The following MIPOL1 variants were observed in gnomAD, a reference collection of about 807,000 sequenced individuals.
The protein encoded by MIPOL1 is mirror-image polydactyly gene 1 protein.
A neutral mutation model predicts 60.9 loss-of-function variants in MIPOL1; 57 were observed. That is an observed-to-expected ratio of 0.94 (90% confidence interval 0.76 to 1.17). The LOEUF is 1.17. Ranked by LOEUF, MIPOL1 falls within the 50% of genes most tolerant of loss-of-function variation. MIPOL1 has a pLI of 0.00. For synonymous variants in MIPOL1, 179 were observed against 168.8 expected (o/e 1.06, Z -0.47); for missense variants, 551 against 511.6 (o/e 1.08, Z -0.74).
intron 9 of MIPOL1, 69 bp from the exon 10 acceptor site, chr14:37,369,448 A>G: frequency 1.9e-6 from 2 of 1,071,076 alleles, no homozygotes; most frequent in Non-Finnish European, 2.8e-6. Context: ...TATTTACATT[A>G]ATTCATGTGG....
At chr14:37,513,297 G>A (rs1309759472) in intron 12 of MIPOL1, among the ~76,000 whole-genome samples, 1 of 152,036 alleles carries the variant, frequency 6.6e-6, no homozygotes, top group Non-Finnish European at 1.5e-5. Flanking sequence ...TGCATTATAT[G>A]CTTGTAGAGT....
At chr14:37,362,465 G>A (rs891273336) in intron 9 of MIPOL1, among the ~76,000 whole-genome samples, 1 of 152,156 alleles carries the variant, frequency 6.6e-6, no homozygotes, top group Non-Finnish European at 1.5e-5. Flanking sequence ...TAGGGTTTCT[G>A]CCGATAGATG....
intron 12 of MIPOL1, among the ~76,000 whole-genome samples, chr14:37,518,915 A>C (rs1021432538): frequency 1.5e-5 from 1 of 68,880 alleles, no homozygotes; most frequent in Admixed American, 1.6e-4. Context: ...TGTCTTGTGA[A>C]TCAAAAAATA....
intron 11 of MIPOL1, among the ~76,000 whole-genome samples, chr14:37,484,863 A>G (rs2153601160): frequency 6.6e-6 from 1 of 151,992 alleles, no homozygotes; most frequent in Non-Finnish European, 1.5e-5. Flanking sequence ...CTATTATTGT[A>G]CTTTAAGTTC....
At chr14:37,515,618 T>C (rs183405073) in intron 12 of MIPOL1, among the ~76,000 whole-genome samples, 16 of 152,338 alleles carry the variant, frequency 1.1e-4, no homozygotes, top group Admixed American at 5.2e-4. Flanking sequence ...AAAACATTTT[T>C]AGTATCTTGA....
intron 10 of MIPOL1, among the ~76,000 whole-genome samples, chr14:37,380,383 TGCTCTAACA>T (rs2092894124): frequency 6.6e-6 from 1 of 152,110 alleles, no homozygotes; most frequent in African/African-American, 2.4e-5. Context: ...AATGTGGAAT[TGCTCTAACA>T]GCATTCATTG....
chr14:37,202,670 G>A (rs964784506), intron 1 of MIPOL1, among the ~76,000 whole-genome samples: 1 of 152,108 alleles, frequency 6.6e-6, no homozygotes, highest in Non-Finnish European at 1.5e-5. Context: ...TCATCCTTAG[G>A]TGATGCTTTC....
intron 11 of MIPOL1, among the ~76,000 whole-genome samples, chr14:37,446,433 G>A (rs2094336193): frequency 6.6e-6 from 1 of 152,166 alleles, no homozygotes; most frequent in African/African-American, 2.4e-5. Context: ...AACAGGTGCT[G>A]GAGAGGATGT....
chr14:37,207,470 C>G (rs183938501), intron 1 of MIPOL1, among the ~76,000 whole-genome samples: 2 of 152,106 alleles, frequency 1.3e-5, no homozygotes, highest in Admixed American at 6.6e-5. Flanking sequence ...GACAACTACA[C>G]TATTCATTAA....
intron 11 of MIPOL1, among the ~76,000 whole-genome samples, chr14:37,483,745 C>T (rs1343783323): frequency 1.3e-5 from 2 of 152,088 alleles, no homozygotes; most frequent in Non-Finnish European, 2.9e-5. Context: ...AAGCAATCCT[C>T]CTGCCTCAGC....
intron 11 of MIPOL1, among the ~76,000 whole-genome samples, chr14:37,470,943 T>C (rs2094680225): frequency 6.6e-6 from 1 of 152,114 alleles, no homozygotes; most frequent in Non-Finnish European, 1.5e-5. Flanking sequence ...AACTCCAAAA[T>C]GAGGGATGTT....
intron 1 of MIPOL1, among the ~76,000 whole-genome samples, chr14:37,211,406 G>A (rs1177788176): frequency 6.6e-6 from 1 of 152,126 alleles, no homozygotes; most frequent in South Asian, 2.1e-4. Context: ...TCTGGGAACT[G>A]GGGGAGAGAA....
At chr14:37,465,772 T>TTA (rs1456869622) in intron 11 of MIPOL1, among the ~76,000 whole-genome samples, 1 of 152,136 alleles carries the variant, frequency 6.6e-6, no homozygotes, top group Admixed American at 6.6e-5. Flanking sequence ...TGAAATACAT[T>TTA]TAAACTATTT....
At chr14:37,322,455 C>T (rs2088678807) in intron 9 of MIPOL1, among the ~76,000 whole-genome samples, 1 of 151,862 alleles carries the variant, frequency 6.6e-6, no homozygotes, top group Admixed American at 6.6e-5. Flanking sequence ...TCTAAGATGA[C>T]CACATTTATT....
intron 9 of MIPOL1, among the ~76,000 whole-genome samples, chr14:37,344,723 T>C (rs1567560999): frequency 6.6e-6 from 1 of 152,184 alleles, no homozygotes; most frequent in Non-Finnish European, 1.5e-5. Context: ...GATTAACCAT[T>C]GGTAAAATTT....
chr14:37,324,326 A>T (rs1465039786), intron 9 of MIPOL1, among the ~76,000 whole-genome samples: 1 of 151,984 alleles, frequency 6.6e-6, no homozygotes, highest in Non-Finnish European at 1.5e-5. Flanking sequence ...GCTGTTGTGA[A>T]CTTTTTCAGA....
intron 10 of MIPOL1, among the ~76,000 whole-genome samples, chr14:37,376,343 T>C (rs771552994): frequency 3.9e-5 from 6 of 152,210 alleles, no homozygotes; most frequent in Non-Finnish European, 8.8e-5. Flanking sequence ...TGTTCATCCC[T>C]CCTGACCAGC....
At chr14:37,198,702 G>C (rs908503454) in intron 1 of MIPOL1, among the ~76,000 whole-genome samples, 1 of 152,166 alleles carries the variant, frequency 6.6e-6, no homozygotes, top group Non-Finnish European at 1.5e-5. Context: ...ATGGTAGAAA[G>C]GAACAACTTT....
intron 9 of MIPOL1, among the ~76,000 whole-genome samples, chr14:37,358,825 C>G (rs2092029442): frequency 6.6e-6 from 1 of 152,112 alleles, no homozygotes; most frequent in Non-Finnish European, 1.5e-5. Context: ...TGTGCAGAAG[C>G]TCTTTAGTTT....
Sources: gnomAD v4.1 joint callset for allele counts (sites outside exome capture counted in the v4.1 genomes callset) on GRCh38, gnomAD v4.1.1 for gene constraint, MANE v1.5 for transcripts, NCBI Gene and HGNC (gene_info 2026-07-23, HGNC 2026-07-21) for gene names.